The following RPGR variants were observed in gnomAD, a reference collection of about 807,000 sequenced individuals.
RPGR encodes retinitis pigmentosa GTPase regulator.
RPGR carries 10 observed loss-of-function variants against 56.3 expected under a neutral mutation model. The ratio of observed to expected loss-of-function variants is 0.18; its 90% CI spans 0.11 to 0.30. RPGR has a LOEUF of 0.30. RPGR is among the 10% of genes least tolerant of loss of function. RPGR has a pLI of 1.00. For missense variants in RPGR, 538 were observed against 590.9 expected, an observed-to-expected ratio of 0.91 and a Z score of 0.93; for synonymous variants, 197 against 212.9, an observed-to-expected ratio of 0.93 and a Z score of 0.65.
chrX:38,281,773 A>G (rs1365729749), intron 15 of RPGR, among the ~76,000 whole-genome samples: 1 of 111,931 alleles, frequency 8.9e-6, no homozygotes, highest in African/African-American at 3.3e-5. Flanking sequence ...CACCACCACC[A>G]CAACTTTTCT....
intron 13 of RPGR, among the ~76,000 whole-genome samples, chrX:38,288,796 T>C (rs1269896904): frequency 1.8e-5 from 2 of 111,523 alleles, no homozygotes; most frequent in Admixed American, 1.9e-4. Context: ...AATTTTTTTT[T>C]CTTGAGACGG....
rs1266698620 is a variant in RPGR at position 38,301,233 on chromosome X, T to C, written c.1059+14A>G. The C allele has an allele frequency of 1.7e-6, 2 of 1,181,175 alleles. No homozygotes were observed. Among genetic ancestry groups the C allele is most frequent in the South Asian group, 1.8e-5 (1 of 55,044 alleles). ...TAATATGAAAATATAAACAGGGAAA[T>C]GTGATGCCCTTACCAATTTAACTAT... is the stretch of plus-strand genomic sequence containing the variant. On this transcript the variant is annotated intron_variant, in intron 9 of 18. Transcript: ENST00000642395.
chrX:38,303,587 C>A (rs1242851961), intron 8 of RPGR: 1 of 273,435 alleles, frequency 3.7e-6, no homozygotes, highest in African/African-American at 2.8e-5. Flanking sequence ...GGATACACAA[C>A]AACTCTTAGT....
intron 4 of RPGR, 84 bp from the exon 5 acceptor site, chrX:38,319,071 ATTAACAG>A: frequency 1.0e-6 from 1 of 976,574 alleles, no homozygotes; most frequent in Non-Finnish European, 1.4e-6. Flanking sequence ...GATTTCCTCT[ATTAACAG>A]TGAAGAAAGT....
At chrX:38,290,665 A>G (rs1447383234) in intron 13 of RPGR, among the ~76,000 whole-genome samples, 1 of 111,835 alleles carries the variant, frequency 8.9e-6, no homozygotes, top group African/African-American at 3.2e-5. Flanking sequence ...ATACATAAGA[A>G]CTGCAATCAT....
At position 38,269,331 on chromosome X, in the gene RPGR, G is replaced by A. The variant is rs182071709; in HGVS notation, c.*295C>T. On this transcript the variant is annotated 3_prime_UTR_variant, in exon 19 of 19. Transcript: ENST00000642395. ...AAGTAAAATTGTTTAGTAAAAACTA[G>A]GAAATATCTTATTTCAATTTTCCAC... 2.1e-4 allele frequency: 33 copies of A among 159,750 alleles called. No individual in the cohort carries two copies. The East Asian group carries it at 4.1e-3, about 20-fold the overall frequency. 13.2% of individuals were successfully genotyped at this position (159,750 alleles called of 1,213,427 possible).
intron 9 of RPGR, 139 bp from the exon 10 acceptor site, chrX:38,299,280 C>T (rs777890327): frequency 1.6e-5 from 9 of 571,754 alleles, no homozygotes; most frequent in South Asian, 7.7e-5. Context: ...TCTGTCTATA[C>T]GTATGTGTGT....
intron 11 of RPGR, among the ~76,000 whole-genome samples, chrX:38,292,910 G>A (rs1206531278): frequency 9.0e-6 from 1 of 111,599 alleles, no homozygotes; most frequent in Non-Finnish European, 1.9e-5. Flanking sequence ...TAAAGCAGCA[G>A]AACAGTAGTC....
intron 6 of RPGR, among the ~76,000 whole-genome samples, chrX:38,315,820 CAT>C (rs1175539921): frequency 2.0e-3 from 182 of 92,053 alleles, no homozygotes; most frequent in African/African-American, 6.3e-3. Flanking sequence ...CATATATATA[CAT>C]ATATATATAT....
intron 11 of RPGR, among the ~76,000 whole-genome samples, chrX:38,293,704 G>C (rs1286152442): frequency 9.0e-6 from 1 of 111,714 alleles, no homozygotes; most frequent in African/African-American, 3.3e-5. Flanking sequence ...CGATCCACTT[G>C]ATCTTCTCAC....
At chrX:38,276,040 G>C (rs1203759168) in intron 16 of RPGR, among the ~76,000 whole-genome samples, 2 of 111,588 alleles carry the variant, frequency 1.8e-5, no homozygotes, top group African/African-American at 6.5e-5. Flanking sequence ...TTATGTTTTG[G>C]GCTTCTCTAG....
intron 11 of RPGR, among the ~76,000 whole-genome samples, chrX:38,293,592 A>T (rs2067326671): frequency 8.9e-6 from 1 of 112,227 alleles, no homozygotes; most frequent in African/African-American, 3.2e-5. Flanking sequence ...TGCAGGATAG[A>T]CTGGAGAAGG....
At chrX:38,287,478 C>A (rs781227738) in intron 14 of RPGR, 5 of 537,522 alleles carry the variant, frequency 9.3e-6, no homozygotes, top group East Asian at 3.5e-5. Context: ...AACTGTCTGG[C>A]TTTTCTACTG....
intron 3 of RPGR, 112 bp from the exon 4 acceptor site, chrX:38,321,201 T>G: frequency 1.7e-6 from 1 of 594,124 alleles, no homozygotes; most frequent in Non-Finnish European, 2.8e-6. Context: ...GCTTGTCTGA[T>G]TCCAAAGTCA....
chrX:38,306,792 A>G (rs2067610152), intron 7 of RPGR, among the ~76,000 whole-genome samples: 1 of 112,365 alleles, frequency 8.9e-6, no homozygotes, highest in African/African-American at 3.2e-5. Context: ...ATCATGTTAC[A>G]GAAGTTTTGT....
intron 6 of RPGR, among the ~76,000 whole-genome samples, chrX:38,317,001 G>C (rs1380949294): frequency 9.0e-6 from 1 of 110,921 alleles, no homozygotes; most frequent in Non-Finnish European, 1.9e-5. Flanking sequence ...TTTTAACTAA[G>C]ACAGAAAAGG....
intron 15 of RPGR, among the ~76,000 whole-genome samples, chrX:38,284,127 A>G (rs951238412): frequency 1.6e-4 from 18 of 111,556 alleles, no homozygotes; most frequent in African/African-American, 5.9e-4. Flanking sequence ...CAACTGTGCA[A>G]AAGAACTCAA....
chrX:38,320,699 C>T (rs2067922809), intron 4 of RPGR, among the ~76,000 whole-genome samples: 2 of 112,325 alleles, frequency 1.8e-5, no homozygotes, highest in African/African-American at 6.5e-5. Flanking sequence ...TGCTCACTCA[C>T]ATCAACAGCC....
intron 10 of RPGR, chrX:38,298,286 C>CAT (rs1177545191): frequency 8.5e-5 from 21 of 247,522 alleles, no homozygotes; most frequent in East Asian, 2.6e-4. Flanking sequence ...AAAAAAAACA[C>CAT]ATATATATAT....
Sources: allele counts gnomAD v4.1 joint callset (sites outside exome capture counted in the v4.1 genomes callset), GRCh38; gene constraint gnomAD v4.1.1; transcripts MANE v1.5; gene names NCBI Gene and HGNC (gene_info 2026-07-23, HGNC 2026-07-21).